Variants in ELFN2 observed in about 807,000 individuals in gnomAD.
ELFN2 encodes the protein extracellular leucine rich repeat and fibronectin type III domain containing 2.
Under a neutral mutation model 45.5 loss-of-function variants are expected in ELFN2, and 17 were observed. The ratio of observed to expected loss-of-function variants is 0.37; its 90% confidence interval spans 0.26 to 0.56. The LOEUF (loss-of-function observed/expected upper bound fraction) is 0.56. Ranked by LOEUF, ELFN2 falls within the 20% of genes least tolerant of loss-of-function variation. ELFN2 has a pLI of 0.77. For missense variants in ELFN2, 922 were observed against 1,183.2 expected, an observed-to-expected ratio of 0.78 and a Z score of 3.24; for synonymous variants, 550 against 551.5, an observed-to-expected ratio of 1.00 and a Z score of 0.04.
Position 37,374,281 on chromosome 22 carries a change from G to A in ELFN2, c.1254C>T (p.Cys418=), listed in dbSNP as rs1931490141. ...CCTCCTGCATGCGCCGCTTGCGCAG[G>A]CAGTAGTACACGGCTCCCAGCACGA... ...MVIVLGAVYY[C]LRKRRMQEEK... The change falls in exon 3 of 3, where the codon TGC becomes TGT. Residue 418 remains cysteine (C), a synonymous_variant. Transcript: ENST00000402918. 6.2e-7 allele frequency: 1 copy of A among 1,613,740 alleles called. No individual in the cohort carries two copies. Among genetic ancestry groups the A allele is most frequent in the Non-Finnish European group, 8.5e-7 (1 of 1,179,892 alleles).
Position 37,375,668 on chromosome 22 carries a change from A to T in ELFN2, c.-134T>A. On this transcript the variant is annotated 5_prime_UTR_variant, in exon 3 of 3. The change creates a new upstream start codon in the 5' untranslated region. Coordinates refer to ENST00000402918, the MANE Select transcript of ELFN2 (RefSeq NM_052906.5). ...ACCCCCAGCACGGGGGCCCCAGGCA[A>T]GGTGGGTACAGCTAGTGCCAACTGC... The T allele has an allele frequency of 9.8e-7, 1 of 1,018,988 alleles. No individual in the cohort carries two copies. Among genetic ancestry groups the T allele is most frequent in the Non-Finnish European group, 1.4e-6 (1 of 707,876 alleles). The allele number at this position is 1,018,988 out of a possible 1,614,324, so 63.1% of individuals were successfully genotyped here.
chr22:37,422,942 TC>T (rs1392079808), intron 1 of ELFN2, among the ~76,000 whole-genome samples: 10 of 10,380 alleles, frequency 9.6e-4, no homozygotes, highest in African/African-American at 2.2e-3. Flanking sequence ...AAACTGGGCC[TC>T]GGGGGGGGGG....
intron 2 of ELFN2, among the ~76,000 whole-genome samples, chr22:37,411,196 C>T (rs1932640687): frequency 6.6e-6 from 1 of 152,230 alleles, no homozygotes; most frequent in Non-Finnish European, 1.5e-5. Flanking sequence ...GACAGCTGGG[C>T]CCATGGGCCT....
intron 1 of ELFN2, among the ~76,000 whole-genome samples, chr22:37,418,637 C>G (rs985205472): frequency 6.6e-6 from 1 of 151,870 alleles, no homozygotes. Flanking sequence ...GCCAACTACC[C>G]TCCTCTCCTG....
chr22:37,358,706 T>G (rs769208818), intron 1 of ELFN2, among the ~76,000 whole-genome samples: 1 of 152,202 alleles, frequency 6.6e-6, no homozygotes. Flanking sequence ...CTTCTCAGCA[T>G]GGCTGGAAGA....
At chr22:37,411,264 A>G (rs6000725) in intron 2 of ELFN2, among the ~76,000 whole-genome samples, 1 of 151,908 alleles carries the variant, frequency 6.6e-6, no homozygotes, top group Non-Finnish European at 1.5e-5. Flanking sequence ...ACCTGCGACC[A>G]CCAAGCCAAG....
At position 37,372,993 on chromosome 22, in the gene ELFN2, C is replaced by T; in HGVS notation, c.*79G>A. 1 of 1,486,854 alleles carries T rather than the reference C, an allele frequency of 6.7e-7. No homozygotes were observed. The highest frequency in any genetic ancestry group is 8.9e-7 in the Non-Finnish European group (1 of 1,119,352). 92.1% of individuals were successfully genotyped at this position (1,486,854 alleles called of 1,614,324 possible). On this transcript the variant is annotated 3_prime_UTR_variant, in exon 3 of 3. Transcript: ENST00000402918. This position sits in a 1 kb window ranked among gnomAD's most constrained non-coding sequence, Gnocchi z 4.4. ...GGGCCTTGGCCCCCGAGTCTGCTCC[C>T]CGCCCTGGCCGCCTGGACCCTTCCC...
At chr22:37,394,028 G>C (rs982791998) in intron 2 of ELFN2, among the ~76,000 whole-genome samples, 1 of 152,196 alleles carries the variant, frequency 6.6e-6, no homozygotes, top group Non-Finnish European at 1.5e-5. Flanking sequence ...ACACCAGGCT[G>C]CGACTGATGT....
intron 2 of ELFN2, among the ~76,000 whole-genome samples, chr22:37,387,256 G>A (rs889482569): frequency 8.6e-5 from 13 of 152,014 alleles, no homozygotes; most frequent in Admixed American, 2.0e-4. Context: ...CCCCGGCCTC[G>A]GTTTCTCTCC....
intron 1 of ELFN2, among the ~76,000 whole-genome samples, chr22:37,351,232 CCTCA>C (rs1323378421): frequency 2.7e-5 from 4 of 149,148 alleles, no homozygotes; most frequent in Non-Finnish European, 6.0e-5. Flanking sequence ...TCTCCCTCCT[CCTCA>C]CTGTCTTCTC....
chr22:37,415,420 CCTGGGGCAGG>C (rs1007653640), intron 2 of ELFN2, among the ~76,000 whole-genome samples: 6 of 152,194 alleles, frequency 3.9e-5, no homozygotes, highest in Non-Finnish European at 7.3e-5. Context: ...ACACACAGGC[CCTGGGGCAGG>C]CAGGAGAGGA....
chr22:37,407,473 C>A (rs113866165), intron 2 of ELFN2, among the ~76,000 whole-genome samples: 1 of 152,074 alleles, frequency 6.6e-6, no homozygotes. Context: ...GGAGTCAACA[C>A]GAAAATCAAG....
intron 1 of ELFN2, among the ~76,000 whole-genome samples, chr22:37,420,923 A>T (rs1301567842): frequency 1.3e-5 from 2 of 152,148 alleles, no homozygotes; most frequent in Non-Finnish European, 2.9e-5. Flanking sequence ...GGAGTCTCAG[A>T]GACCCCGGGG....
intron 2 of ELFN2, among the ~76,000 whole-genome samples, chr22:37,385,620 T>A (rs1019685323): frequency 4.6e-5 from 7 of 152,176 alleles, no homozygotes; most frequent in Admixed American, 4.6e-4. Flanking sequence ...CACTGGAGTT[T>A]ATGAGGCCAG....
chr22:37,409,188 C>T (rs986037104), intron 2 of ELFN2, among the ~76,000 whole-genome samples: 1 of 152,166 alleles, frequency 6.6e-6, no homozygotes, highest in Non-Finnish European at 1.5e-5. Flanking sequence ...ATCACCTGCA[C>T]CTCCCTCCTC....
At chr22:37,393,266 C>A (rs570010564) in intron 2 of ELFN2, among the ~76,000 whole-genome samples, 1 of 152,246 alleles carries the variant, frequency 6.6e-6, no homozygotes, top group Non-Finnish European at 1.5e-5. Context: ...CTTGGACTCA[C>A]GTAATCCCTC....
chr22:37,358,983 C>T lies in ELFN2; in HGVS notation n.149-16280G>A, dbSNP rs535661794. Among the ~76,000 whole-genome samples the T allele has an allele frequency of 1.7e-3, 258 of 152,212 alleles. 1 individual carries two copies. Among genetic ancestry groups the T allele is most frequent in the African/African-American group, 6.0e-3 (249 of 41,510 alleles). On this transcript the variant is annotated intron_variant and non_coding_transcript_variant, in intron 1 of 2. Coordinates refer to ENST00000452946, the Ensembl canonical transcript of ELFN2. ...TAGGAAGCAGGAGGACTGGGGGCCGCTGGGCTATCTGAGATGGACGTGGGG... is the reference window on the plus strand; with the variant it reads ...TAGGAAGCAGGAGGACTGGGGGCCGTTGGGCTATCTGAGATGGACGTGGGG...
chr22:37,390,836 AAC>A (rs1932069341), intron 2 of ELFN2, among the ~76,000 whole-genome samples: 1 of 152,070 alleles, frequency 6.6e-6, no homozygotes, highest in Non-Finnish European at 1.5e-5. Context: ...TTTACCCAGC[AAC>A]ACACAGTTTT....
chr22:37,343,715 C>G (rs1296280396), intron 1 of ELFN2, among the ~76,000 whole-genome samples: 6 of 150,292 alleles, frequency 4.0e-5, no homozygotes, highest in Non-Finnish European at 8.9e-5. Context: ...AGACCCACCC[C>G]CCCCGGACCC....
Sources: gnomAD v4.1 joint callset for allele counts (sites outside exome capture counted in the v4.1 genomes callset) on GRCh38, gnomAD v4.1.1 for gene constraint, Gnocchi (gnomAD v3.1) non-coding constraint, MANE v1.5 for transcripts, NCBI Gene and HGNC (gene_info 2026-07-23, HGNC 2026-07-21) for gene names.